The following CRISPLD2 variants were observed in gnomAD, a reference collection of about 807,000 sequenced individuals.
CRISPLD2 encodes the protein cysteine rich secretory protein LCCL domain containing 2, also known as cysteine-rich secretory protein LCCL domain-containing 2.
Under a neutral mutation model 71.1 loss-of-function variants are expected in CRISPLD2, and 47 were observed. The ratio of observed to expected loss-of-function variants is 0.66; its 90% CI spans 0.52 to 0.84. CRISPLD2 has a LOEUF of 0.84. Among genes scored for constraint, CRISPLD2 ranks in the 40% least tolerant of loss-of-function variants. The probability of loss-of-function intolerance (pLI) is 0.00; values close to 1 mark genes in which losing one functional copy is unlikely to be tolerated. For missense variants in CRISPLD2, 830 were observed against 651.1 expected (o/e 1.27, Z -2.99); for synonymous variants, 317 against 250.1 (o/e 1.27, Z -2.52).
chr16:84,842,169 G>A (rs1008627039), intron 2 of CRISPLD2: 4 of 152,322 alleles, frequency 2.6e-5, no homozygotes, highest in Non-Finnish European at 5.9e-5. Flanking sequence ...CCTGCCCGGG[G>A]GCTGTTTCTG....
chr16:84,852,215 A>T (rs920106579), intron 5 of CRISPLD2, among the ~76,000 whole-genome samples: 1 of 152,258 alleles, frequency 6.6e-6, no homozygotes, highest in African/African-American at 2.4e-5. Flanking sequence ...GTCTCCAAGT[A>T]CAGTCACATT....
intron 14 of CRISPLD2, among the ~76,000 whole-genome samples, chr16:84,889,870 T>C (rs1476592539): frequency 6.6e-6 from 1 of 151,842 alleles, no homozygotes; most frequent in Non-Finnish European, 1.5e-5. Flanking sequence ...TATAGTTACA[T>C]AGAGTTAAAT....
intron 14 of CRISPLD2, among the ~76,000 whole-genome samples, chr16:84,891,029 A>G (rs960032468): frequency 5.3e-4 from 80 of 152,100 alleles, no homozygotes; most frequent in Non-Finnish European, 4.4e-5. Context: ...GGCCTCCCAA[A>G]GTGCTGGGAT....
chr16:84,827,558 CTT>C (rs571068599), intron 1 of CRISPLD2, among the ~76,000 whole-genome samples: 19,040 of 135,642 alleles, frequency 0.14, 960 homozygotes, highest in Middle Eastern at 0.17. Flanking sequence ...AGTGCCCTTT[CTT>C]TTTTTTTTTT....
At chr16:84,903,332 T>C (rs1411944848) in intron 14 of CRISPLD2, among the ~76,000 whole-genome samples, 1 of 151,948 alleles carries the variant, frequency 6.6e-6, no homozygotes, top group Non-Finnish European at 1.5e-5. Context: ...ATCCCAGCAC[T>C]TTGGGAGGCC....
intron 14 of CRISPLD2, among the ~76,000 whole-genome samples, chr16:84,906,249 T>A (rs1208269278): frequency 6.6e-6 from 1 of 151,800 alleles, no homozygotes; most frequent in South Asian, 2.1e-4. Context: ...ACACCACTGT[T>A]CGGGTTGACA....
intron 9 of CRISPLD2, among the ~76,000 whole-genome samples, 171 bp from the exon 10 acceptor site, chr16:84,872,821 C>G (rs1453711017): frequency 6.6e-6 from 1 of 152,044 alleles, no homozygotes; most frequent in African/African-American, 2.4e-5. Flanking sequence ...GGTAAGCAAC[C>G]CCAGGAACAA....
chr16:84,850,533 C>T (rs756936476), intron 4 of CRISPLD2, 35 bp from the exon 5 acceptor site: 7 of 1,577,266 alleles, frequency 4.4e-6, no homozygotes, highest in South Asian at 2.2e-5. Context: ...GTGCCTTATC[C>T]CTCGAGCTGT....
chr16:84,866,842 G>A (rs1917550960), intron 6 of CRISPLD2, 55 bp from the exon 7 acceptor site: 2 of 1,544,398 alleles, frequency 1.3e-6, no homozygotes, highest in East Asian at 2.3e-5. Flanking sequence ...TCCCCAAAGT[G>A]CGTTTTTGTT....
intron 2 of CRISPLD2, among the ~76,000 whole-genome samples, chr16:84,843,835 C>T (rs954403897): frequency 2.6e-5 from 4 of 152,174 alleles, no homozygotes; most frequent in African/African-American, 9.7e-5. Flanking sequence ...GTTGTGTGAC[C>T]TCAGGCATGC....
chr16:84,892,412 C>G (rs1263623594), intron 14 of CRISPLD2, among the ~76,000 whole-genome samples: 1 of 152,158 alleles, frequency 6.6e-6, no homozygotes, highest in Non-Finnish European at 1.5e-5. Flanking sequence ...CCAGCCTGGC[C>G]TGGGGGAGAG....
chr16:84,889,308 G>T lies in CRISPLD2; in HGVS notation c.1384G>T (p.Val462Leu). The stretch of plus-strand genomic sequence containing the variant: ...TGGGGGTGACGTGGACGTGATGCCC[G>T]TGGATAAAAAGAAGACCTACGTGGG... ...ESGGDVDVMPVDKKKTYVGSL... is the reference protein window; with the variant it reads ...ESGGDVDVMPLDKKKTYVGSL... The change falls in exon 14 of 15, where the codon GTG becomes TTG. Residue 462 changes from valine to leucine, a missense_variant. Coordinates refer to ENST00000262424, the MANE Select transcript of CRISPLD2 (RefSeq NM_031476.4). 1 of 1,614,092 alleles carries T rather than the reference G, an allele frequency of 6.2e-7. No individual in the cohort carries two copies. Among genetic ancestry groups the T allele is most frequent in the Non-Finnish European group, 8.5e-7 (1 of 1,179,990 alleles).
rs973226228 is a variant in CRISPLD2 at position 84,851,457 on chromosome 16, C to T, written c.608+774C>T. 1.2e-3 allele frequency among the ~76,000 whole-genome samples: 176 copies of T among 151,644 alleles called. 1 individual carries two copies. Among genetic ancestry groups the T allele is most frequent in the African/African-American group, 3.2e-3 (134 of 41,314 alleles). On this transcript the variant is annotated intron_variant, in intron 5 of 14. Coordinates refer to ENST00000262424, the MANE Select transcript of CRISPLD2 (RefSeq NM_031476.4). Reference sequence around the variant, plus strand: ...GCCCCGTGCCCTGTGTAGAGTGGGCCCCGGGGCATGTTTGCTCAGTGACTG... The same window carrying T: ...GCCCCGTGCCCTGTGTAGAGTGGGCTCCGGGGCATGTTTGCTCAGTGACTG...
chr16:84,860,392 C>T (rs368696265), intron 6 of CRISPLD2, among the ~76,000 whole-genome samples: 5 of 152,114 alleles, frequency 3.3e-5, no homozygotes, highest in African/African-American at 1.2e-4. Flanking sequence ...CAGTTCTTTT[C>T]GAGTGTAGCA....
chr16:84,904,570 C>T (rs137859692), intron 14 of CRISPLD2, among the ~76,000 whole-genome samples: 516 of 146,452 alleles, frequency 3.5e-3, no homozygotes, highest in African/African-American at 0.011. Flanking sequence ...GGCAACAGAG[C>T]GAGACTCGGT....
At chr16:84,831,088 G>T (rs547921088) in intron 1 of CRISPLD2, among the ~76,000 whole-genome samples, 5 of 152,344 alleles carry the variant, frequency 3.3e-5, no homozygotes, top group Middle Eastern at 3.4e-3. Context: ...GAGAGTCAGA[G>T]CGGCTGCAAT....
chr16:84,896,714 C>T (rs1433929770), intron 14 of CRISPLD2, among the ~76,000 whole-genome samples: 1 of 152,060 alleles, frequency 6.6e-6, no homozygotes, highest in South Asian at 2.1e-4. Context: ...TTTATCAGGA[C>T]GCGACCCACC....
intron 2 of CRISPLD2, among the ~76,000 whole-genome samples, chr16:84,843,634 G>T (rs771470259): frequency 6.6e-6 from 1 of 152,222 alleles, no homozygotes; most frequent in Non-Finnish European, 1.5e-5. Flanking sequence ...ATGAGATAAT[G>T]CATAAATCAG....
intron 6 of CRISPLD2, among the ~76,000 whole-genome samples, chr16:84,856,046 C>T (rs1180240141): frequency 6.6e-6 from 1 of 152,226 alleles, no homozygotes; most frequent in Non-Finnish European, 1.5e-5. Context: ...GTGGTTATAG[C>T]TGGTATTGAT....
Sources: allele counts gnomAD v4.1 joint callset (sites outside exome capture counted in the v4.1 genomes callset), GRCh38; gene constraint gnomAD v4.1.1; transcripts MANE v1.5; gene names NCBI Gene and HGNC (gene_info 2026-07-23, HGNC 2026-07-21).